The following SRGAP3 variants were observed in gnomAD, a reference collection of about 807,000 sequenced individuals.
SRGAP3 encodes the protein SLIT-ROBO Rho GTPase-activating protein 3.
In SRGAP3, 39 loss-of-function variants were observed where a neutral mutation model predicts 121.1. That is an observed-to-expected ratio of 0.32 (90% CI 0.25 to 0.42). SRGAP3 has a LOEUF of 0.42. Among genes scored for constraint, SRGAP3 ranks in the 10% least tolerant of loss-of-function variants. The probability of loss-of-function intolerance (pLI) is 1.00; values close to 1 mark genes in which losing one functional copy is unlikely to be tolerated. For synonymous variants in SRGAP3, 601 were observed against 570.0 expected, an observed-to-expected ratio of 1.05 and a Z score of -0.77; for missense variants, 1,213 against 1,470.6, an observed-to-expected ratio of 0.82 and a Z score of 2.86.
Position 9,081,390 on chromosome 3 carries a change from T to C in SRGAP3, c.424-1303A>G, listed in dbSNP as rs114713182. Reference sequence around the variant, plus strand: ...AAGATCTAGCTTCTCATTTCCACTGTTGGCTGTGTGGCCTTGGAGAATCAC... The same window carrying C: ...AAGATCTAGCTTCTCATTTCCACTGCTGGCTGTGTGGCCTTGGAGAATCAC... On this transcript the variant is annotated intron_variant, in intron 3 of 21. Coordinates refer to ENST00000383836, the MANE Select transcript of SRGAP3 (RefSeq NM_014850.4). 4.8e-3 allele frequency: 2,018 copies of C among 419,808 alleles called. 36 individuals carry two copies. Among genetic ancestry groups the C allele is most frequent in the African/African-American group, 0.037 (1,810 of 48,844 alleles). The allele number at this position is 419,808 out of a possible 1,614,324, so 26.0% of individuals were successfully genotyped here.
chr3:9,110,131 G>A (rs551447616), intron 2 of SRGAP3, among the ~76,000 whole-genome samples: 1 of 152,314 alleles, frequency 6.6e-6, no homozygotes, highest in South Asian at 2.1e-4. Flanking sequence ...TTCAAGAAAG[G>A]CTTAGGTAGG....
chr3:9,095,021 C>T (rs564461052), intron 3 of SRGAP3, among the ~76,000 whole-genome samples: 31 of 152,194 alleles, frequency 2.0e-4, no homozygotes, highest in African/African-American at 7.0e-4. Flanking sequence ...CTCAGCCTCC[C>T]GAAGTGCTGA....
intron 2 of SRGAP3, among the ~76,000 whole-genome samples, chr3:9,114,104 G>C (rs542910997): frequency 6.6e-6 from 1 of 152,258 alleles, no homozygotes; most frequent in South Asian, 2.1e-4. Context: ...TTGCTTATCA[G>C]TTGGGGTGCT....
intron 1 of SRGAP3, chr3:9,355,703 C>G (rs1559290771): frequency 6.6e-6 from 1 of 152,258 alleles, no homozygotes; most frequent in Non-Finnish European, 1.5e-5. Flanking sequence ...CTCCCTAATG[C>G]TTATTACCAC....
intron 1 of SRGAP3, among the ~76,000 whole-genome samples, chr3:9,157,849 A>T (rs960183081): frequency 6.6e-6 from 1 of 152,240 alleles, no homozygotes; most frequent in Non-Finnish European, 1.5e-5. Context: ...GGGGACAACT[A>T]ATGATGTGAC....
At chr3:9,179,896 G>C (rs570223351) in intron 1 of SRGAP3, among the ~76,000 whole-genome samples, 4 of 152,248 alleles carry the variant, frequency 2.6e-5, no homozygotes, top group Admixed American at 6.5e-5. Context: ...GGGCTGTCCT[G>C]TTCAGTGTTG....
intron 1 of SRGAP3, chr3:9,219,121 C>A (rs1952721844): frequency 6.6e-6 from 1 of 152,164 alleles, no homozygotes; most frequent in African/African-American, 2.4e-5. Context: ...AGGTGTGAAC[C>A]ATCATGCCTG....
intron 1 of SRGAP3, chr3:9,192,347 G>A (rs1951777754): frequency 6.6e-6 from 1 of 152,274 alleles, no homozygotes; most frequent in Admixed American, 6.5e-5. Context: ...TTTACCTGGA[G>A]TCCCAGCCCA....
chr3:9,155,904 C>T (rs1378860068), intron 1 of SRGAP3, among the ~76,000 whole-genome samples: 1 of 152,342 alleles, frequency 6.6e-6, no homozygotes, highest in African/African-American at 2.4e-5. Flanking sequence ...CAAGCTCCAC[C>T]TCCCGGGTTC....
chr3:9,096,664 A>T (rs1452324060), intron 3 of SRGAP3, among the ~76,000 whole-genome samples: 1 of 151,962 alleles, frequency 6.6e-6, no homozygotes, highest in African/African-American at 2.4e-5. Context: ...CAAGACAATA[A>T]GGCAAGAAAA....
At chr3:8,998,397 C>T (rs76328509) in intron 18 of SRGAP3, among the ~76,000 whole-genome samples, 27,992 of 152,110 alleles carry the variant, frequency 0.18, 3,064 homozygotes, top group Non-Finnish European at 0.24. Context: ...CTTTCCCAGC[C>T]GCTCCCAACT....
chr3:9,046,028 G>C (rs376778771), intron 10 of SRGAP3, among the ~76,000 whole-genome samples: 4 of 151,724 alleles, frequency 2.6e-5, no homozygotes, highest in East Asian at 3.9e-4. Flanking sequence ...CCCTTTACCC[G>C]CTGGCCCAAT....
chr3:8,991,587 G>A (rs1275262744), intron 20 of SRGAP3, among the ~76,000 whole-genome samples: 2 of 152,170 alleles, frequency 1.3e-5, no homozygotes, highest in African/African-American at 4.8e-5. Context: ...ATTAATCTGT[G>A]AAGCGGGTTT....
At position 9,025,402 on chromosome 3, in the gene SRGAP3, C is replaced by T. The variant is rs1944142077; in HGVS notation, c.1601-64G>A. The T allele has an allele frequency of 1.6e-5, 24 of 1,515,636 alleles. No individual in the cohort carries two copies. The Middle Eastern group carries it at 8.4e-4, about 53-fold the overall frequency. The allele number at this position is 1,515,636 out of a possible 1,614,324, so 93.9% of individuals were successfully genotyped here. On this transcript the variant is annotated intron_variant, in intron 13 of 21. Coordinates refer to ENST00000383836, the MANE Select transcript of SRGAP3 (RefSeq NM_014850.4). ...ACGAGACCTTGAGTTCATTAGACTACCGGGAATATCAGTGACTCTCCCCAT... is the reference window on the plus strand; with the variant it reads ...ACGAGACCTTGAGTTCATTAGACTATCGGGAATATCAGTGACTCTCCCCAT...
At chr3:8,990,465 C>T (rs750639457) in intron 21 of SRGAP3, 47 bp downstream of exon 21, 1 of 1,548,298 alleles carries the variant, frequency 6.5e-7, no homozygotes, top group African/African-American at 1.4e-5. Context: ...CACCCGCTGC[C>T]CTCTGGGGCT....
chr3:9,203,568 C>G (rs1952144665), intron 1 of SRGAP3, among the ~76,000 whole-genome samples: 1 of 152,168 alleles, frequency 6.6e-6, no homozygotes, highest in Admixed American at 6.5e-5. Flanking sequence ...CTTCTGTGCT[C>G]CTGCACCCTC....
In SRGAP3 at chr3:9,208,048, T is replaced by A. The variant is rs548467603; in HGVS notation, c.67+40837A>T. 2.6e-5 allele frequency among the ~76,000 whole-genome samples: 4 copies of A among 152,242 alleles called. No homozygotes were observed. The South Asian group carries it at 6.2e-4, about 24-fold the overall frequency. ...CGTCTGAACAGATCCCATCTCCCTA[T>A]CCAGACAGTGAGTCCTTTGAGTGCA... On this transcript the variant is annotated intron_variant, in intron 1 of 21. Coordinates refer to ENST00000383836, the MANE Select transcript of SRGAP3 (RefSeq NM_014850.4).
intron 20 of SRGAP3, 23 bp from the exon 21 acceptor site, chr3:8,990,862 G>A: frequency 6.7e-7 from 1 of 1,486,332 alleles, no homozygotes; most frequent in Non-Finnish European, 8.9e-7. Context: ...CAGGGGGCGA[G>A]GGGCATGGGG....
intron 1 of SRGAP3, among the ~76,000 whole-genome samples, chr3:9,125,748 T>A (rs1575111855): frequency 6.6e-6 from 1 of 152,188 alleles, no homozygotes; most frequent in South Asian, 2.1e-4. Context: ...AGGCATAGAT[T>A]CTTTCCAGGC....
Sources: gnomAD v4.1 joint callset for allele counts (sites outside exome capture counted in the v4.1 genomes callset) on GRCh38, gnomAD v4.1.1 for gene constraint, MANE v1.5 for transcripts, NCBI Gene and HGNC (gene_info 2026-07-23, HGNC 2026-07-21) for gene names.